VPS13C: variants seen among roughly 807,000 people sequenced by gnomAD.
VPS13C encodes intermembrane lipid transfer protein VPS13C.
A neutral mutation model predicts 456.8 loss-of-function variants in VPS13C; 358 were observed. The observed-to-expected ratio is 0.78, with a 90% CI of 0.72 to 0.86. The LOEUF (loss-of-function observed/expected upper bound fraction) is 0.86, where lower values mean the gene tolerates loss of function less well. VPS13C is among the 40% of genes least tolerant of loss of function. VPS13C has a pLI of 0.00. For synonymous variants in VPS13C, 1,578 were observed against 1,486.7 expected, an observed-to-expected ratio of 1.06 and a Z score of -1.41; for missense variants, 4,818 against 4,385.4, an observed-to-expected ratio of 1.10 and a Z score of -2.79.
chr15:62,001,671 C>T (rs1403212267), intron 15 of VPS13C, among the ~76,000 whole-genome samples: 3 of 152,176 alleles, frequency 2.0e-5, no homozygotes, highest in African/African-American at 7.2e-5. Context: ...CCTCCCCCTC[C>T]CCACAACCCA....
intron 1 of VPS13C, among the ~76,000 whole-genome samples, chr15:62,054,752 A>C (rs929605858): frequency 2.6e-5 from 4 of 152,036 alleles, no homozygotes; most frequent in Admixed American, 6.6e-5. Flanking sequence ...AAAAAAGAAG[A>C]GGAAGAAGAA....
chr15:61,918,287 TAA>T (rs1325579466), intron 58 of VPS13C, 30 bp from the exon 59 acceptor site: 1 of 1,511,684 alleles, frequency 6.6e-7, no homozygotes, highest in Non-Finnish European at 8.9e-7. Flanking sequence ...ACAAGTTTTT[TAA>T]AAGATATGTA....
rs745608214 is a variant in VPS13C, at chr15:61,931,093, G to A, written c.6035C>T (p.Ser2012Leu). ...DLREGIERAT[S>L]RMIDRKNDQD... The stretch of plus-strand genomic sequence containing the variant: ...TGCAAACTCAGAGCTGACAAACCTC[G>A]ATGTTGCTCTCTCAATTCCTTCTCT... Residue 2012 changes from serine to leucine, a missense_variant, in exon 50 of 85, where the codon TCG (serine) becomes TTG (leucine). Physicochemically the swap from Ser to Leu is moderately radical, Grantham distance 145. Transcript: ENST00000644861. 5.3e-5 allele frequency: 86 copies of A among 1,613,872 alleles called. No homozygotes were observed. The South Asian group carries it at 8.1e-4, about 15-fold the overall frequency.
intron 6 of VPS13C, among the ~76,000 whole-genome samples, chr15:62,025,048 G>C (rs372036636): frequency 6.6e-6 from 1 of 152,072 alleles, no homozygotes; most frequent in Non-Finnish European, 1.5e-5. Flanking sequence ...TGAAGTGTTT[G>C]CTCAATTGTC....
chr15:61,928,558 A>G (rs1199710244), intron 51 of VPS13C, among the ~76,000 whole-genome samples: 2 of 152,204 alleles, frequency 1.3e-5, no homozygotes, highest in East Asian at 1.9e-4. Flanking sequence ...AGAGAGAAAA[A>G]TATCTGACCT....
intron 6 of VPS13C, among the ~76,000 whole-genome samples, chr15:62,026,204 C>G (rs1261079382): frequency 1.3e-5 from 2 of 151,434 alleles, no homozygotes; most frequent in East Asian, 3.9e-4. Context: ...GTAGCTGCAT[C>G]ATGGAATCTG....
chr15:61,890,063 T>C (rs1555411565), intron 67 of VPS13C, 102 bp downstream of exon 67: 1 of 1,058,638 alleles, frequency 9.4e-7, no homozygotes, highest in East Asian at 2.6e-5. Context: ...ATATACAGCA[T>C]ACCAAAGTCA....
chr15:61,913,262 G>A (rs774260781), intron 62 of VPS13C, 49 bp downstream of exon 62: 3 of 1,530,952 alleles, frequency 2.0e-6, no homozygotes, highest in Admixed American at 1.7e-5. Context: ...TTGTTGAACT[G>A]TAGCAAAGGT....
intron 4 of VPS13C, 138 bp downstream of exon 4, chr15:62,034,819 T>C (rs999239731): frequency 7.8e-6 from 4 of 509,680 alleles, no homozygotes; most frequent in Admixed American, 7.5e-5. Flanking sequence ...AAAGTATGCA[T>C]ATAAGTGCAT....
At chr15:62,027,525 C>A (rs1307315420) in intron 6 of VPS13C, among the ~76,000 whole-genome samples, 1 of 152,058 alleles carries the variant, frequency 6.6e-6, no homozygotes, top group Admixed American at 6.5e-5. Flanking sequence ...ATTCCACTTC[C>A]ATCTGTCACA....
intron 24 of VPS13C, among the ~76,000 whole-genome samples, chr15:61,975,160 T>G (rs758311780): frequency 6.6e-6 from 1 of 152,020 alleles, no homozygotes; most frequent in African/African-American, 2.4e-5. Context: ...AAGCACTAAA[T>G]GCCTATATTG....
At position 62,060,394 on chromosome 15, in the gene VPS13C, G is replaced by T; in HGVS notation, c.-20C>A. On this transcript the variant is annotated 5_prime_UTR_variant, in exon 1 of 85. Coordinates refer to ENST00000644861, the MANE Select transcript of VPS13C (RefSeq NM_020821.3). The stretch of plus-strand genomic sequence containing the variant: ...CACCATGGTGGCGCTGAGGCACAAG[G>T]AGAGGGAGGAGCCGGAACCGCCCGG... The T allele has an allele frequency of 7.0e-7, 1 of 1,425,226 alleles. No individual in the cohort carries two copies. The highest frequency in any genetic ancestry group is 9.7e-7 in the Non-Finnish European group (1 of 1,031,120). 88.3% of individuals were successfully genotyped at this position (1,425,226 alleles called of 1,614,324 possible). A position where few individuals can be genotyped will look rare whatever the true frequency, so the allele number is the denominator to read the frequency against.
chr15:61,912,538 A>C (rs563670343), intron 62 of VPS13C, among the ~76,000 whole-genome samples: 1 of 147,958 alleles, frequency 6.8e-6, no homozygotes, highest in East Asian at 2.0e-4. Flanking sequence ...AGACAAATTC[A>C]GGTTTTGCTC....
At chr15:61,981,568 A>G in intron 21 of VPS13C, 90 bp from the exon 22 acceptor site, 1 of 1,364,380 alleles carries the variant, frequency 7.3e-7, no homozygotes, top group South Asian at 1.6e-5. Flanking sequence ...TTTTACTTGA[A>G]AAGTATTACA....
chr15:61,982,920 T>C (rs578132955), intron 20 of VPS13C, among the ~76,000 whole-genome samples: 2 of 152,314 alleles, frequency 1.3e-5, no homozygotes, highest in African/African-American at 4.8e-5. Flanking sequence ...CCTTGCACTT[T>C]GAAGTTTAGA....
At chr15:61,887,012 C>T (rs541384520) in intron 67 of VPS13C, among the ~76,000 whole-genome samples, 1 of 152,270 alleles carries the variant, frequency 6.6e-6, no homozygotes, top group South Asian at 2.1e-4. Context: ...GCAAGTATTT[C>T]CACTCTCAAC....
chr15:61,888,041 G>C (rs931676606), intron 67 of VPS13C, among the ~76,000 whole-genome samples: 9 of 152,160 alleles, frequency 5.9e-5, no homozygotes, highest in African/African-American at 1.9e-4. Flanking sequence ...CAAAAGATTT[G>C]AACAGGTGGC....
At chr15:61,978,185 C>T (rs923895069) in intron 23 of VPS13C, among the ~76,000 whole-genome samples, 2 of 151,894 alleles carry the variant, frequency 1.3e-5, no homozygotes, top group Non-Finnish European at 1.5e-5. Flanking sequence ...CAGATATCTA[C>T]AAAAGTAGAC....
At chr15:62,039,958 A>C (rs1432973389) in intron 3 of VPS13C, among the ~76,000 whole-genome samples, 1 of 152,208 alleles carries the variant, frequency 6.6e-6, no homozygotes, top group Non-Finnish European at 1.5e-5. Flanking sequence ...GAAGCAACCT[A>C]AGTGTCCATC....
Sources: gnomAD v4.1 joint callset for allele counts (sites outside exome capture counted in the v4.1 genomes callset) on GRCh38, gnomAD v4.1.1 for gene constraint, MANE v1.5 for transcripts, NCBI Gene and HGNC (gene_info 2026-07-23, HGNC 2026-07-21) for gene names.